Variants in NKD1 observed in about 807,000 individuals in gnomAD.
NKD1 encodes protein naked cuticle homolog 1.
Under a neutral mutation model 56.0 loss-of-function variants are expected in NKD1, and 21 were observed. The observed-to-expected ratio is 0.38, with a 90% CI of 0.27 to 0.54. The LOEUF is 0.54. Among genes scored for constraint, NKD1 ranks in the 20% least tolerant of loss-of-function variants. The probability of loss-of-function intolerance (pLI) is 0.82; values close to 1 mark genes in which losing one functional copy is unlikely to be tolerated. For synonymous variants in NKD1, 263 were observed against 265.7 expected, an observed-to-expected ratio of 0.99 and a Z score of 0.10; for missense variants, 578 against 642.7, an observed-to-expected ratio of 0.90 and a Z score of 1.09.
chr16:50,619,496 A>G (rs1019981334), intron 4 of NKD1, among the ~76,000 whole-genome samples: 1 of 152,210 alleles, frequency 6.6e-6, no homozygotes, highest in Non-Finnish European at 1.5e-5. Flanking sequence ...GGCCTTGTCC[A>G]AAGCTGCCCG....
intron 6 of NKD1, among the ~76,000 whole-genome samples, chr16:50,629,587 G>A (rs955465273): frequency 2.6e-5 from 4 of 152,118 alleles, no homozygotes; most frequent in Non-Finnish European, 5.9e-5. Flanking sequence ...GCCCCTGCAG[G>A]GAAGCCCAAA....
rs748521552 is a variant in NKD1, at chr16:50,549,507, G to A, written c.144G>A (p.Ser48=). The A allele has an allele frequency of 1.7e-5, 28 of 1,608,534 alleles. No homozygotes were observed. The highest frequency in any genetic ancestry group is 1.0e-4 in the Admixed American group (6 of 59,644). The change falls in exon 3 of 10, where the codon TCG becomes TCA. Residue 48 remains serine (S), a synonymous_variant. Coordinates refer to ENST00000268459, the MANE Select transcript of NKD1 (RefSeq NM_033119.5). ...GACAGCGCTGCCCGGGCGGTGTCTCGGGACCCCGACAGCTGCGGTTGGCGG... is the reference window on the plus strand; with the variant it reads ...GACAGCGCTGCCCGGGCGGTGTCTCAGGACCCCGACAGCTGCGGTTGGCGG... ...IGRQRCPGGV[S]GPRQLRLAGT... is the part of the protein sequence containing the mutation.
chr16:50,579,417 C>T (rs1486243964), intron 3 of NKD1, among the ~76,000 whole-genome samples: 15 of 146,580 alleles, frequency 1.0e-4, no homozygotes, highest in South Asian at 2.2e-4. Context: ...CTTAGTCCTG[C>T]GGGCTACCCG....
At chr16:50,599,098 G>A (rs1032025079) in intron 3 of NKD1, among the ~76,000 whole-genome samples, 11 of 152,082 alleles carry the variant, frequency 7.2e-5, no homozygotes, top group South Asian at 6.2e-4. Context: ...AAGTGGGGTC[G>A]CCTGAGGCCT....
rs980868272 is a variant in NKD1 at position 50,639,209 on chromosome 16, A to T, written c.*5428A>T. The T allele has an allele frequency of 6.6e-6, 1 of 151,992 alleles. No individual in the cohort carries two copies. Among genetic ancestry groups the T allele is most frequent in the African/African-American group, 2.4e-5 (1 of 41,344 alleles). 9.4% of individuals were successfully genotyped at this position (151,992 alleles called of 1,614,324 possible). ...TTAGGCAGCCCAGCTAAGCCCCTAG[A>T]GCCTTGCAATTTCCCCCAAATGACC... On this transcript the variant is annotated 3_prime_UTR_variant, in exon 10 of 10. Coordinates refer to ENST00000268459, the MANE Select transcript of NKD1 (RefSeq NM_033119.5).
intron 4 of NKD1, among the ~76,000 whole-genome samples, chr16:50,618,735 T>G (rs1234776102): frequency 6.6e-6 from 1 of 152,182 alleles, no homozygotes; most frequent in East Asian, 1.9e-4. Flanking sequence ...GAGGGGCCCC[T>G]GGCGGGTTCA....
chr16:50,625,252 C>A, intron 5 of NKD1: 1 of 566,218 alleles, frequency 1.8e-6, no homozygotes, highest in African/African-American at 1.9e-5. Flanking sequence ...ACCCACAGAC[C>A]ACCAGGCACC....
At chr16:50,612,607 T>G (rs1387531877) in intron 4 of NKD1, among the ~76,000 whole-genome samples, 1 of 151,590 alleles carries the variant, frequency 6.6e-6, no homozygotes, top group African/African-American at 2.4e-5. Flanking sequence ...AGAGGTAGAG[T>G]GAGGAGGCTT....
intron 4 of NKD1, among the ~76,000 whole-genome samples, chr16:50,611,189 C>T (rs1053507079): frequency 6.6e-6 from 1 of 152,236 alleles, no homozygotes; most frequent in Admixed American, 6.5e-5. Flanking sequence ...CTTCATCCCC[C>T]TCTCCCATCT....
intron 3 of NKD1, chr16:50,574,088 C>A: frequency 1.2e-6 from 1 of 807,904 alleles, no homozygotes; most frequent in Non-Finnish European, 1.5e-6. Flanking sequence ...AAAACTGAGG[C>A]TCCAAGTGGC....
At chr16:50,612,542 G>A (rs1287784109) in intron 4 of NKD1, among the ~76,000 whole-genome samples, 3 of 152,212 alleles carry the variant, frequency 2.0e-5, no homozygotes, top group Admixed American at 6.5e-5. Context: ...ATAAATCTGC[G>A]AAGGAGCATG....
intron 6 of NKD1, among the ~76,000 whole-genome samples, chr16:50,629,508 A>G (rs1229681021): frequency 6.6e-6 from 1 of 152,126 alleles, no homozygotes; most frequent in African/African-American, 2.4e-5. Context: ...GTCCACCTCA[A>G]AGTTCACCTG....
intron 4 of NKD1, among the ~76,000 whole-genome samples, chr16:50,619,738 A>G (rs1161418873): frequency 6.6e-6 from 1 of 152,176 alleles, no homozygotes; most frequent in Non-Finnish European, 1.5e-5. Context: ...AGGGGTTGGT[A>G]GCTTCCTCAT....
rs538476968 is a variant in NKD1 at position 50,592,565 on chromosome 16, G to A, written c.193-15729G>A. 6.6e-4 allele frequency among the ~76,000 whole-genome samples: 100 copies of A among 152,326 alleles called. 1 individual carries two copies. The highest frequency in any genetic ancestry group is 1.2e-3 in the Non-Finnish European group (84 of 68,024). ...CTTCAGTAATGAGGGAGAAATGTACGGACCCTGTCCTCAACGAGTTTAGCC... is the reference window on the plus strand; with the variant it reads ...CTTCAGTAATGAGGGAGAAATGTACAGACCCTGTCCTCAACGAGTTTAGCC... On this transcript the variant is annotated intron_variant, in intron 3 of 9. Transcript: ENST00000268459.
At chr16:50,599,127 T>A (rs990552677) in intron 3 of NKD1, among the ~76,000 whole-genome samples, 24 of 152,030 alleles carry the variant, frequency 1.6e-4, no homozygotes, top group Non-Finnish European at 8.8e-5. Flanking sequence ...GATGAGGCAG[T>A]GCTGGGCTGG....
At chr16:50,624,371 T>A (rs1158640992) in intron 5 of NKD1, among the ~76,000 whole-genome samples, 1 of 152,224 alleles carries the variant, frequency 6.6e-6, no homozygotes, top group Non-Finnish European at 1.5e-5. Context: ...CACTTCAGGT[T>A]GCTGAAAATG....
intron 3 of NKD1, chr16:50,573,824 G>A (rs755296860): frequency 1.0e-6 from 1 of 985,396 alleles, no homozygotes; most frequent in Non-Finnish European, 1.2e-6. Flanking sequence ...TCACGGAAAC[G>A]GGTTGGGCTG....
chr16:50,610,951 G>T (rs1357637066), intron 4 of NKD1, among the ~76,000 whole-genome samples: 2 of 152,156 alleles, frequency 1.3e-5, no homozygotes, highest in Non-Finnish European at 2.9e-5. Context: ...GTGGGGAGAA[G>T]GGGAGAGGGA....
intron 3 of NKD1, among the ~76,000 whole-genome samples, chr16:50,583,088 G>A (rs533417917): frequency 6.6e-6 from 1 of 152,344 alleles, no homozygotes; most frequent in South Asian, 2.1e-4. Context: ...GCCGCGTGTA[G>A]GAGGTGAGAG....
Sources: gnomAD v4.1 joint callset for allele counts (sites outside exome capture counted in the v4.1 genomes callset) on GRCh38, gnomAD v4.1.1 for gene constraint, MANE v1.5 for transcripts, NCBI Gene and HGNC (gene_info 2026-07-23, HGNC 2026-07-21) for gene names.